PDE1C: variants seen among roughly 807,000 people sequenced by gnomAD.
The protein encoded by PDE1C is phosphodiesterase 1C, also known as dual specificity calcium/calmodulin-dependent 3',5'-cyclic nucleotide phosphodiesterase 1C.
In PDE1C, 62 loss-of-function variants were observed where a neutral mutation model predicts 93.1. The observed-to-expected ratio is 0.67, with a 90% confidence interval of 0.54 to 0.82. The LOEUF (loss-of-function observed/expected upper bound fraction) is 0.82, where lower values mean the gene tolerates loss of function less well. Among genes scored for constraint, PDE1C ranks in the 40% least tolerant of loss-of-function variants. PDE1C has a pLI of 0.00. For synonymous variants in PDE1C, 325 were observed against 310.1 expected (o/e 1.05, Z -0.50); for missense variants, 742 against 884.6 (o/e 0.84, Z 2.04).
At chr7:32,126,737 A>C (rs138121963) in intron 3 of PDE1C, among the ~76,000 whole-genome samples, 749 of 152,280 alleles carry the variant, frequency 4.9e-3, no homozygotes, top group African/African-American at 0.017. Context: ...AAACTAAACT[A>C]AAATTTTACT....
chr7:31,686,461 C>T, the PDE1C span, among the ~76,000 whole-genome samples: 17 of 152,210 alleles, frequency 1.1e-4, no homozygotes, highest in Non-Finnish European at 2.5e-4. Context: ...TTTTTCTGGC[C>T]TGCACACTAT....
intron 1 of PDE1C, among the ~76,000 whole-genome samples, chr7:32,407,257 A>G (rs1785073366): frequency 6.6e-6 from 1 of 152,214 alleles, no homozygotes; most frequent in Non-Finnish European, 1.5e-5. Flanking sequence ...CCTGGGTGAC[A>G]GAGCAAGACT....
the PDE1C span, chr7:31,643,508 C>T: frequency 4.3e-6 from 7 of 1,614,016 alleles, no homozygotes; most frequent in South Asian, 7.7e-5. Flanking sequence ...ACCCAGATGT[C>T]CTCCAGCCTG....
chr7:32,025,100 C>T (rs1229077214), intron 2 of PDE1C, among the ~76,000 whole-genome samples: 1 of 152,086 alleles, frequency 6.6e-6, no homozygotes, highest in Non-Finnish European at 1.5e-5. Flanking sequence ...CATGCCGACC[C>T]CCAGGGTCAA....
intron 1 of PDE1C, among the ~76,000 whole-genome samples, chr7:32,347,007 A>T (rs1273098087): frequency 6.6e-6 from 1 of 152,260 alleles, no homozygotes; most frequent in African/African-American, 2.4e-5. Flanking sequence ...GATTGTGATG[A>T]TAGTTTAAAT....
chr7:31,708,650 G>A, the PDE1C span, among the ~76,000 whole-genome samples: 4 of 152,148 alleles, frequency 2.6e-5, no homozygotes, highest in African/African-American at 4.8e-5. Flanking sequence ...GTAAAATTCC[G>A]GATTTCCAGA....
intron 2 of PDE1C, among the ~76,000 whole-genome samples, chr7:32,027,220 C>T (rs1789556464): frequency 6.6e-6 from 1 of 151,982 alleles, no homozygotes; most frequent in African/African-American, 2.4e-5. Flanking sequence ...AATGCTCCAC[C>T]CTGGTGGGCG....
intron 3 of PDE1C, among the ~76,000 whole-genome samples, chr7:32,158,046 G>A (rs1035405295): frequency 3.3e-5 from 5 of 152,022 alleles, no homozygotes; most frequent in Admixed American, 1.3e-4. Flanking sequence ...TTAGCAGAAC[G>A]TTGCACAAAC....
chr7:31,861,209 C>T (rs1217413791), intron 7 of PDE1C, among the ~76,000 whole-genome samples: 21 of 152,150 alleles, frequency 1.4e-4, no homozygotes. Context: ...GCTTCCATGG[C>T]CCCAAACTCC....
chr7:31,862,173 G>A (rs1794762773), intron 7 of PDE1C, among the ~76,000 whole-genome samples: 1 of 152,188 alleles, frequency 6.6e-6, no homozygotes, highest in Admixed American at 6.5e-5. Flanking sequence ...TCCTGACTAT[G>A]TAATAAAACA....
chr7:32,389,190 G>GTGT (rs3079660), intron 1 of PDE1C, among the ~76,000 whole-genome samples: 14 of 127,926 alleles, frequency 1.1e-4, no homozygotes, highest in African/African-American at 2.8e-4. Context: ...GTGTGTGTGT[G>GTGT]GTTTTTTTGG....
intron 2 of PDE1C, among the ~76,000 whole-genome samples, chr7:32,034,939 G>A (rs1790846123): frequency 6.6e-6 from 1 of 152,050 alleles, no homozygotes; most frequent in Admixed American, 6.6e-5. Flanking sequence ...TCAGTGCCAA[G>A]GACATGATTA....
chr7:32,082,001 ATAGT>A (rs1796692019), intron 3 of PDE1C, among the ~76,000 whole-genome samples: 1 of 152,172 alleles, frequency 6.6e-6, no homozygotes, highest in African/African-American at 2.4e-5. Context: ...GGAGTGCCAG[ATAGT>A]GGGTGCAGGA....
chr7:32,410,113 A>G (rs1385910845), intron 1 of PDE1C, among the ~76,000 whole-genome samples: 1 of 152,216 alleles, frequency 6.6e-6, no homozygotes, highest in East Asian at 1.9e-4. Flanking sequence ...AAAAACTACT[A>G]CAAACAATAG....
intron 1 of PDE1C, among the ~76,000 whole-genome samples, chr7:32,413,860 T>G (rs1490852604): frequency 3.9e-5 from 6 of 152,060 alleles, no homozygotes; most frequent in Non-Finnish European, 8.8e-5. Context: ...TCCAGGGAAG[T>G]TTATCACAGA....
rs73306617 is a variant in PDE1C at position 32,235,033 on chromosome 7, G to A, written c.86-25494C>T. Among the ~76,000 whole-genome samples, 1,274 of 152,086 alleles carry A rather than the reference G, an allele frequency of 8.4e-3. 22 individuals carry two copies. Among genetic ancestry groups the A allele is most frequent in the African/African-American group, 0.03 (1,234 of 41,530 alleles). ...GATCATATCAGTTGATGCAGAAAAG[G>A]CTTTTGACAAAATTAAACATCTGTT... is the stretch of plus-strand genomic sequence containing the variant. On this transcript the variant is annotated intron_variant, in intron 1 of 18. Coordinates refer to the PDE1C transcript ENST00000396193.
intron 1 of PDE1C, among the ~76,000 whole-genome samples, chr7:32,297,951 T>G (rs191954153): frequency 4.1e-5 from 4 of 98,270 alleles, no homozygotes; most frequent in African/African-American, 1.4e-4. Flanking sequence ...GAAACTATTG[T>G]TCAATCTCTC....
chr7:32,027,027 T>C (rs998079998), intron 2 of PDE1C, among the ~76,000 whole-genome samples: 1 of 152,130 alleles, frequency 6.6e-6, no homozygotes, highest in African/African-American at 2.4e-5. Context: ...AAAAGTTGAA[T>C]AGGCAGAGCA....
At chr7:32,419,769 G>T (rs1231289396) in intron 1 of PDE1C, among the ~76,000 whole-genome samples, 3 of 151,810 alleles carry the variant, frequency 2.0e-5, no homozygotes, top group Admixed American at 6.6e-5. Flanking sequence ...TGCGCTCTTG[G>T]TGCTTGTGCT....
Sources: allele counts gnomAD v4.1 joint callset (sites outside exome capture counted in the v4.1 genomes callset), GRCh38; gene constraint gnomAD v4.1.1; transcripts MANE v1.5; gene names NCBI Gene and HGNC (gene_info 2026-07-23, HGNC 2026-07-21).